Variants in UGT1A8 observed in about 807,000 individuals in gnomAD.
UGT1A8 encodes UDP glucuronosyltransferase family 1 member A8.
UGT1A8 carries 39 observed loss-of-function variants against 45.3 expected under a neutral mutation model. The observed-to-expected ratio is 0.86, with a 90% CI of 0.67 to 1.12. The LOEUF is 1.12. Among genes scored for constraint, UGT1A8 ranks in the 50% most tolerant of loss-of-function variants. UGT1A8 has a pLI of 0.00. For missense variants in UGT1A8, 719 were observed against 664.9 expected, an observed-to-expected ratio of 1.08 and a Z score of -0.90; for synonymous variants, 275 against 249.2, an observed-to-expected ratio of 1.10 and a Z score of -0.97.
rs767607575 is a variant in UGT1A8, at chr2:233,760,238, A to G, written c.856-6796A>G. ...GTGTATCGATTGGTTTTTGCCATATATATATATATAAGTAGGAGAGGGCGA... is the reference window on the plus strand; with the variant it reads ...GTGTATCGATTGGTTTTTGCCATATGTATATATATAAGTAGGAGAGGGCGA... On this transcript the variant is annotated intron_variant, in intron 1 of 4. Transcript: ENST00000373450. The G allele has an allele frequency of 3.7e-6, 6 of 1,606,676 alleles. No homozygotes were observed. Among genetic ancestry groups the G allele is most frequent in the Admixed American group, 3.3e-5 (2 of 59,932 alleles).
At chr2:233,703,741 A>T (rs750390078) in intron 1 of UGT1A8, among the ~76,000 whole-genome samples, 22 of 152,044 alleles carry the variant, frequency 1.4e-4, no homozygotes, top group Non-Finnish European at 2.9e-4. Flanking sequence ...TTTTGTTTTT[A>T]AATCTCAAAT....
chr2:233,685,998 TC>T (rs1193956822), intron 1 of UGT1A8, among the ~76,000 whole-genome samples: 1 of 152,170 alleles, frequency 6.6e-6, no homozygotes, highest in Non-Finnish European at 1.5e-5. Flanking sequence ...ATCCTGTACA[TC>T]CTTTGCCTTG....
At chr2:233,731,482 G>C (rs562723642) in intron 1 of UGT1A8, among the ~76,000 whole-genome samples, 2 of 152,088 alleles carry the variant, frequency 1.3e-5, no homozygotes, top group Non-Finnish European at 2.9e-5. Flanking sequence ...TCCCTGGCCT[G>C]TGTCCAGTGT....
intron 1 of UGT1A8, among the ~76,000 whole-genome samples, chr2:233,711,740 G>A (rs866118094): frequency 2.6e-5 from 4 of 152,188 alleles, no homozygotes; most frequent in Non-Finnish European, 5.9e-5. Flanking sequence ...TGGCAGACAC[G>A]GCCAGGCATG....
intron 1 of UGT1A8, chr2:233,747,238 C>T (rs1693595349): frequency 1.8e-5 from 29 of 1,603,598 alleles, no homozygotes; most frequent in Non-Finnish European, 2.5e-5. Flanking sequence ...CCAGGTTCCC[C>T]TGCTGTGGCT....
At chr2:233,728,994 A>G in intron 1 of UGT1A8, 1 of 1,552,012 alleles carries the variant, frequency 6.4e-7, no homozygotes, top group Non-Finnish European at 8.7e-7. Flanking sequence ...AATTAACTAG[A>G]GGAGGGCACT....
Position 233,671,963 on chromosome 2 carries a change from T to G in UGT1A8, c.855+53401T>G, listed in dbSNP as rs1406726680. 2.5e-6 allele frequency: 4 copies of G among 1,613,630 alleles called. No individual in the cohort carries two copies. The African/African-American group carries it at 5.3e-5, about 22-fold the overall frequency. On this transcript the variant is annotated intron_variant, in intron 1 of 4. Coordinates refer to ENST00000373450, the MANE Select transcript of UGT1A8 (RefSeq NM_019076.5). Reference sequence around the variant, plus strand: ...GCTTGCACAGGGTGGACCAGCCCCCTTCCTCTATGTGTGTGTCTGCTGCTG... The same window carrying G: ...GCTTGCACAGGGTGGACCAGCCCCCGTCCTCTATGTGTGTGTCTGCTGCTG...
chr2:233,761,750 G>A (rs1428006312), intron 1 of UGT1A8, among the ~76,000 whole-genome samples: 1 of 152,244 alleles, frequency 6.6e-6, no homozygotes, highest in Non-Finnish European at 1.5e-5. Context: ...AGAGTTTGAA[G>A]TATGCAAAAA....
Position 233,730,003 on chromosome 2 carries a change from G to C in UGT1A8, c.856-37031G>C, listed in dbSNP as rs2077967778. The C allele has an allele frequency of 2.5e-6, 4 of 1,613,818 alleles. No individual in the cohort carries two copies. The South Asian group carries it at 3.3e-5, about 13-fold the overall frequency. On this transcript the variant is annotated intron_variant, in intron 1 of 4. Coordinates refer to ENST00000373450, the MANE Select transcript of UGT1A8 (RefSeq NM_019076.5). ...GAAGCCACTATCTCAGGTCTGTATT[G>C]GTGCCTTCATCCAATCAATGTTCCA... is the stretch of plus-strand genomic sequence containing the variant.
intron 1 of UGT1A8, chr2:233,713,824 G>A (rs2076349640): frequency 1.2e-5 from 19 of 1,614,054 alleles, no homozygotes; most frequent in Non-Finnish European, 1.5e-5. Flanking sequence ...TTCATTGGGG[G>A]CATCAACTGT....
rs751560477 is a variant in UGT1A8 at position 233,754,882 on chromosome 2, G to T, written c.856-12152G>T. 3 of 1,352,084 alleles carry T rather than the reference G, an allele frequency of 2.2e-6. No homozygotes were observed. The African/African-American group carries it at 4.4e-5, about 20-fold the overall frequency. The allele number at this position is 1,352,084 out of a possible 1,614,324, so 83.8% of individuals were successfully genotyped here. On this transcript the variant is annotated intron_variant, in intron 1 of 4. Transcript: ENST00000373450. ...GCAGACCCTCTGCTTCTGCTTCCCA[G>T]GGAGTTCCTCTGACCCCCCAAAATA...
intron 1 of UGT1A8, among the ~76,000 whole-genome samples, chr2:233,761,451 T>A (rs1697772637): frequency 6.6e-6 from 1 of 152,220 alleles, no homozygotes; most frequent in South Asian, 2.1e-4. Context: ...ATGCTGGGTT[T>A]GGGGCACCCT....
rs371053346 is a variant in UGT1A8 at position 233,720,746 on chromosome 2, C to T, written c.856-46288C>T. On this transcript the variant is annotated intron_variant, in intron 1 of 4. Coordinates refer to ENST00000373450, the MANE Select transcript of UGT1A8 (RefSeq NM_019076.5). ...CTTGAGACTGAGCCTCGTTCTGTCG[C>T]CCAGGCTGGAGGGCAGTGGCCGGAT... is the stretch of plus-strand genomic sequence containing the variant. Among the ~76,000 whole-genome samples the T allele has an allele frequency of 1.6e-4, 24 of 151,102 alleles. No individual in the cohort carries two copies. The South Asian group carries it at 4.7e-3, about 29-fold the overall frequency.
intron 1 of UGT1A8, chr2:233,672,182 T>C: frequency 1.2e-6 from 2 of 1,614,184 alleles, no homozygotes; most frequent in East Asian, 4.5e-5. Flanking sequence ...TCATATACCC[T>C]GGAGGATCTG....
At chr2:233,722,664 T>C (rs1443762088) in intron 1 of UGT1A8, among the ~76,000 whole-genome samples, 2 of 152,158 alleles carry the variant, frequency 1.3e-5, no homozygotes, top group Admixed American at 1.3e-4. Flanking sequence ...TTTACTTAGG[T>C]TTTGGTAAAA....
chr2:233,701,991 G>A (rs1426208216), intron 1 of UGT1A8, among the ~76,000 whole-genome samples: 2 of 152,100 alleles, frequency 1.3e-5, no homozygotes, highest in African/African-American at 4.8e-5. Context: ...AAATAACTAA[G>A]ATCAGAGCAG....
intron 1 of UGT1A8, chr2:233,755,414 G>T (rs11673726): frequency 0.36 from 117,303 of 321,602 alleles, 22,184 homozygotes; most frequent in African/African-American, 0.41. Context: ...GCCGAGGCCT[G>T]TGAGCGCCTC....
At chr2:233,710,364 A>G (rs1054910663) in intron 1 of UGT1A8, among the ~76,000 whole-genome samples, 1 of 152,224 alleles carries the variant, frequency 6.6e-6, no homozygotes, top group Non-Finnish European at 1.5e-5. Context: ...CAGTTATACA[A>G]TTTTACATTC....
At chr2:233,758,427 T>A (rs1366242338) in intron 1 of UGT1A8, among the ~76,000 whole-genome samples, 1 of 152,228 alleles carries the variant, frequency 6.6e-6, no homozygotes, top group African/African-American at 2.4e-5. Flanking sequence ...GCAAATGAAC[T>A]CACACAGCAT....
Sources: gnomAD v4.1 joint callset for allele counts (sites outside exome capture counted in the v4.1 genomes callset) on GRCh38, gnomAD v4.1.1 for gene constraint, MANE v1.5 for transcripts, NCBI Gene and HGNC (gene_info 2026-07-23, HGNC 2026-07-21) for gene names.